The following TULP4 variants were observed in gnomAD, a reference collection of about 807,000 sequenced individuals.
The protein encoded by TULP4 is tubby-related protein 4.
TULP4 carries 16 observed loss-of-function variants against 129.0 expected under a neutral mutation model. That is an observed-to-expected ratio of 0.12 (90% CI 0.08 to 0.19). The LOEUF (loss-of-function observed/expected upper bound fraction) is 0.19, where lower values mean the gene tolerates loss of function less well. TULP4 is among the 10% of genes least tolerant of loss of function. The pLI, the probability that TULP4 is intolerant of heterozygous loss-of-function variation, is 1.00. For missense variants in TULP4, 1,842 were observed against 2,059.1 expected (o/e 0.89, Z 2.04); for synonymous variants, 998 against 854.0 (o/e 1.17, Z -2.94).
intron 1 of TULP4, among the ~76,000 whole-genome samples, chr6:158,251,573 T>A (rs1036999068): frequency 3.9e-5 from 6 of 152,376 alleles, no homozygotes; most frequent in Admixed American, 3.9e-4. Flanking sequence ...ATTCCTGAGA[T>A]AGATTGGCTC....
chr6:158,335,616 C>T (rs917713065), intron 1 of TULP4, among the ~76,000 whole-genome samples: 1 of 152,138 alleles, frequency 6.6e-6, no homozygotes, highest in African/African-American at 2.4e-5. Context: ...TTATTTTGTT[C>T]CTTCTGTAAA....
At chr6:158,272,712 T>A (rs187333926) in intron 1 of TULP4, among the ~76,000 whole-genome samples, 35 of 152,212 alleles carry the variant, frequency 2.3e-4, no homozygotes, top group Non-Finnish European at 4.9e-4. Context: ...AGATTTGAAG[T>A]GAGGCTGTCA....
intron 1 of TULP4, among the ~76,000 whole-genome samples, chr6:158,365,342 T>A (rs1189104550): frequency 2.0e-5 from 3 of 152,122 alleles, no homozygotes; most frequent in Non-Finnish European, 4.4e-5. Flanking sequence ...ATATATTTCA[T>A]TTTCAGGATT....
At chr6:158,385,159 GC>G (rs1380884957) in intron 1 of TULP4, among the ~76,000 whole-genome samples, 8 of 152,092 alleles carry the variant, frequency 5.3e-5, no homozygotes, top group African/African-American at 1.9e-4. Context: ...TAGAAAGAGT[GC>G]ATGGTCACCT....
chr6:158,277,166 C>A (rs1013497048), intron 1 of TULP4, among the ~76,000 whole-genome samples: 1 of 152,208 alleles, frequency 6.6e-6, no homozygotes, highest in Non-Finnish European at 1.5e-5. Context: ...GTCTCAAACT[C>A]CTGGGCTCAA....
chr6:158,331,529 T>G (rs543282041), intron 1 of TULP4, among the ~76,000 whole-genome samples: 1 of 151,492 alleles, frequency 6.6e-6, no homozygotes, highest in South Asian at 2.1e-4. Context: ...CTTAACAAGA[T>G]GTTTCAGCAT....
rs1191421003 is a variant in TULP4 at position 158,321,330 on chromosome 6, C to T, written c.252+7062C>T. ...TTTTTGCCTCATCTTTAAATGTTAACGGGCACCAGGCATGCATATTTTTCT... is the reference window on the plus strand; with the variant it reads ...TTTTTGCCTCATCTTTAAATGTTAATGGGCACCAGGCATGCATATTTTTCT... On this transcript the variant is annotated intron_variant, in intron 1 of 13. Coordinates refer to ENST00000367097, the MANE Select transcript of TULP4 (RefSeq NM_020245.5). Among the ~76,000 whole-genome samples the T allele has an allele frequency of 3.3e-5, 5 of 151,998 alleles. No homozygotes were observed. In the East Asian group the frequency reaches 5.8e-4, roughly 18 times the overall value.
chr6:158,453,777 G>A (rs864879), intron 5 of TULP4, among the ~76,000 whole-genome samples: 55,989 of 140,088 alleles, frequency 0.4, 12,219 homozygotes, highest in African/African-American at 0.6. Context: ...TGACAGAGCA[G>A]GACTCTGTCT....
chr6:158,387,366 A>G (rs1415272852), intron 1 of TULP4, among the ~76,000 whole-genome samples: 1 of 152,192 alleles, frequency 6.6e-6, no homozygotes, highest in Non-Finnish European at 1.5e-5. Flanking sequence ...GCTGTAATAA[A>G]TGTCCTAATT....
chr6:158,439,044 G>T (rs1429331058), intron 3 of TULP4, among the ~76,000 whole-genome samples: 1 of 151,910 alleles, frequency 6.6e-6, no homozygotes, highest in Non-Finnish European at 1.5e-5. Context: ...GGTGGCATGT[G>T]CCTGTAGTCC....
intron 1 of TULP4, among the ~76,000 whole-genome samples, chr6:158,246,023 G>GGGGTGTGTGTGTGTGTGT (rs113914160): frequency 4.1e-5 from 6 of 145,822 alleles, no homozygotes; most frequent in East Asian, 2.0e-4. Flanking sequence ...ACCCCTTAGG[G>GGGGTGTGTGTGTGTGTGT]GTGTGTGTGT....
intron 13 of TULP4, among the ~76,000 whole-genome samples, chr6:158,504,659 ATT>A (rs10716708): frequency 2.1e-4 from 31 of 148,430 alleles, no homozygotes; most frequent in Non-Finnish European, 2.2e-4. Flanking sequence ...CCCAGCCCTA[ATT>A]TTTTTTTTTT....
chr6:158,385,529 G>C (rs906358077), intron 1 of TULP4, among the ~76,000 whole-genome samples: 2 of 151,950 alleles, frequency 1.3e-5, no homozygotes, highest in Non-Finnish European at 2.9e-5. Flanking sequence ...CAGATTCTTC[G>C]GTGAAGTGGT....
chr6:158,300,929 T>A (rs983629814), intron 1 of TULP4, among the ~76,000 whole-genome samples: 1 of 152,176 alleles, frequency 6.6e-6, no homozygotes, highest in Non-Finnish European at 1.5e-5. Context: ...TGAGTGAGAT[T>A]ATGGAACTCC....
chr6:158,480,022 G>A (rs1448756783), intron 7 of TULP4, 47 bp downstream of exon 7: 3 of 1,456,542 alleles, frequency 2.1e-6, no homozygotes, highest in Non-Finnish European at 2.8e-6. Flanking sequence ...ACCTGTGCTG[G>A]CTCCCCACAG....
At chr6:158,322,842 T>C (rs1358579751) in intron 1 of TULP4, among the ~76,000 whole-genome samples, 2 of 152,180 alleles carry the variant, frequency 1.3e-5, no homozygotes, top group East Asian at 3.8e-4. Flanking sequence ...CTTCCTCTAT[T>C]TGCATTTCCA....
intron 1 of TULP4, among the ~76,000 whole-genome samples, chr6:158,351,789 G>C (rs1002409891): frequency 8.3e-6 from 1 of 121,138 alleles, no homozygotes; most frequent in African/African-American, 3.2e-5. Context: ...CGCCATCTCA[G>C]CTCACTGCAG....
intron 8 of TULP4, among the ~76,000 whole-genome samples, chr6:158,483,022 T>G (rs1396474372): frequency 6.6e-6 from 1 of 152,228 alleles, no homozygotes; most frequent in African/African-American, 2.4e-5. Flanking sequence ...AATTAAAAGC[T>G]ATAAAACAAA....
At chr6:158,443,791 C>A (rs1403941906) in intron 3 of TULP4, among the ~76,000 whole-genome samples, 1 of 151,922 alleles carries the variant, frequency 6.6e-6, no homozygotes, top group East Asian at 1.9e-4. Flanking sequence ...AGGAAATATT[C>A]TGTTAATCAA....
Sources: gnomAD v4.1 joint callset for allele counts (sites outside exome capture counted in the v4.1 genomes callset) on GRCh38, gnomAD v4.1.1 for gene constraint, MANE v1.5 for transcripts, NCBI Gene and HGNC (gene_info 2026-07-23, HGNC 2026-07-21) for gene names.